Variants in MRPL13 observed in about 807,000 individuals in gnomAD.
MRPL13 encodes the protein large ribosomal subunit protein uL13m.
A neutral mutation model predicts 29.0 loss-of-function variants in MRPL13; 33 were observed. The observed-to-expected ratio is 1.14, with a 90% CI of 0.86 to 1.52. The LOEUF (loss-of-function observed/expected upper bound fraction) is 1.52, where lower values mean the gene tolerates loss of function less well. MRPL13 is among the 40% of genes most tolerant of loss of function. The pLI, the probability that MRPL13 is intolerant of heterozygous loss-of-function variation, is 0.00. For synonymous variants in MRPL13, 77 were observed against 68.4 expected (o/e 1.13, Z -0.62); for missense variants, 227 against 216.7 (o/e 1.05, Z -0.30).
At position 120,414,083 on chromosome 8, in the gene MRPL13, T is replaced by C; in HGVS notation, c.423A>G (p.Leu141=). The C allele has an allele frequency of 6.3e-7, 1 of 1,591,536 alleles. No homozygotes were observed. The highest frequency in any genetic ancestry group is 8.5e-7 in the Non-Finnish European group (1 of 1,171,796). ...EYIPEDILKN[L]VEELPQPRKI... ...TTCGTGGTTGAGGAAGCTCCTCTACTAAATTCTTAAGAATATCTTCTGGAA... is the reference window on the plus strand; with the variant it reads ...TTCGTGGTTGAGGAAGCTCCTCTACCAAATTCTTAAGAATATCTTCTGGAA... The change falls in exon 6 of 7, where the codon TTA becomes TTG. Residue 141 remains leucine, a synonymous_variant. Transcript: ENST00000306185.
chr8:120,419,800 C>A, intron 5 of MRPL13, 52 bp downstream of exon 5: 1 of 1,324,284 alleles, frequency 7.6e-7, no homozygotes, highest in Non-Finnish European at 1.0e-6. Flanking sequence ...GAAAATGAAA[C>A]ATTTAATTGA....
intron 5 of MRPL13, among the ~76,000 whole-genome samples, chr8:120,418,746 T>C (rs1325426619): frequency 6.6e-6 from 1 of 152,080 alleles, no homozygotes; most frequent in East Asian, 1.9e-4. Flanking sequence ...AAATAGGAGT[T>C]CTTAAATTCT....
intron 4 of MRPL13, among the ~76,000 whole-genome samples, chr8:120,422,852 C>T (rs1221519976): frequency 6.6e-6 from 1 of 151,538 alleles, no homozygotes; most frequent in African/African-American, 2.4e-5. Flanking sequence ...CTAAGTGAAT[C>T]TTTTTTGAGG....
intron 6 of MRPL13, among the ~76,000 whole-genome samples, chr8:120,407,312 A>G (rs1812681396): frequency 6.6e-6 from 1 of 152,212 alleles, no homozygotes. Flanking sequence ...CTTGGTTGTG[A>G]ATGAAACAAA....
At chr8:120,400,477 G>C (rs1812578227) in intron 6 of MRPL13, among the ~76,000 whole-genome samples, 1 of 152,098 alleles carries the variant, frequency 6.6e-6, no homozygotes, top group African/African-American at 2.4e-5. Context: ...AGCTAAAGCA[G>C]TGTTAAGAGG....
At position 120,419,899 on chromosome 8, in the gene MRPL13, G is replaced by A. The variant is rs1209384992; in HGVS notation, c.346C>T (p.Leu116Phe). 3 of 1,595,240 alleles carry A rather than the reference G, an allele frequency of 1.9e-6. No homozygotes were observed. Among genetic ancestry groups the A allele is most frequent in the Admixed American group, 3.4e-5 (2 of 58,182 alleles). The part of the protein sequence containing the change: ...LAIYGMLPKN[L>F]HRRTMMERLH... ...CTTTCCATCATTGTTCTTCTGTGAA[G>A]GTTTTTTGGCAGCATGCCATAAATA... Residue 116 changes from leucine to phenylalanine, a missense_variant, in exon 5 of 7, where the codon CTT (leucine) becomes TTT (phenylalanine). Coordinates refer to ENST00000306185, the MANE Select transcript of MRPL13 (RefSeq NM_014078.6).
At chr8:120,405,983 C>A (rs1035672260) in intron 6 of MRPL13, among the ~76,000 whole-genome samples, 18 of 152,100 alleles carry the variant, frequency 1.2e-4, no homozygotes, top group African/African-American at 4.1e-4. Flanking sequence ...TGTACATTAG[C>A]CCTACTTCTT....
Position 120,443,459 on chromosome 8 carries a change from G to T in MRPL13, c.28-151C>A, listed in dbSNP as rs991464662. 2.6e-5 allele frequency: 23 copies of T among 869,252 alleles called. No individual in the cohort carries two copies. In the African/African-American group the frequency reaches 3.2e-4, roughly 12 times the overall value. 53.8% of individuals were successfully genotyped at this position (869,252 alleles called of 1,614,324 possible). A position where few individuals can be genotyped will look rare whatever the true frequency, so the allele number is the denominator to read the frequency against. On this transcript the variant is annotated intron_variant, in intron 1 of 6. Transcript: ENST00000306185. ...TTTGAAAAATAACTCTATTGCTAAA[G>T]AATTTTTGTTTTCATTTCTATTTCT...
At chr8:120,412,930 A>C (rs762782392) in intron 6 of MRPL13, among the ~76,000 whole-genome samples, 27 of 152,162 alleles carry the variant, frequency 1.8e-4, no homozygotes, top group Non-Finnish European at 3.4e-4. Context: ...TCATTTAAAA[A>C]ATAAAAATAA....
chr8:120,403,981 G>A (rs911968587), intron 6 of MRPL13, among the ~76,000 whole-genome samples: 68 of 152,254 alleles, frequency 4.5e-4, no homozygotes, highest in African/African-American at 1.6e-3. Context: ...GCAGAGTTTT[G>A]TCACTTTGTT....
At chr8:120,396,280 A>T (rs1022866562) in intron 6 of MRPL13, among the ~76,000 whole-genome samples, 155 bp from the exon 7 acceptor site, 42 of 152,188 alleles carry the variant, frequency 2.8e-4, no homozygotes, top group Middle Eastern at 3.2e-3. Flanking sequence ...AAAAACATTA[A>T]CATCAAATCT....
At chr8:120,443,763 A>G (rs1813161993) in intron 1 of MRPL13, among the ~76,000 whole-genome samples, 1 of 152,166 alleles carries the variant, frequency 6.6e-6, no homozygotes, top group Non-Finnish European at 1.5e-5. Context: ...GGCCAACTGG[A>G]AACTGAAGAC....
At chr8:120,429,948 G>A (rs1812979661) in intron 3 of MRPL13, among the ~76,000 whole-genome samples, 1 of 152,120 alleles carries the variant, frequency 6.6e-6, no homozygotes, top group African/African-American at 2.4e-5. Context: ...TACATGTTCA[G>A]TATTGACACA....
chr8:120,400,345 T>C (rs1812576848), intron 6 of MRPL13, among the ~76,000 whole-genome samples: 1 of 152,140 alleles, frequency 6.6e-6, no homozygotes, highest in Non-Finnish European at 1.5e-5. Flanking sequence ...CACAACTATA[T>C]GGAAACCGAA....
chr8:120,431,055 T>C (rs1812990633), intron 3 of MRPL13, among the ~76,000 whole-genome samples: 1 of 152,096 alleles, frequency 6.6e-6, no homozygotes, highest in Non-Finnish European at 1.5e-5. Context: ...TTTTGTTAAA[T>C]TATATAAAGA....
chr8:120,399,423 T>A (rs1812561738), intron 6 of MRPL13, among the ~76,000 whole-genome samples: 1 of 152,072 alleles, frequency 6.6e-6, no homozygotes, highest in Admixed American at 6.6e-5. Context: ...AGAAATAAGA[T>A]CTTTTTCAGA....
At chr8:120,420,141 ATTGT>A (rs1314157741) in intron 4 of MRPL13, among the ~76,000 whole-genome samples, 1 of 151,922 alleles carries the variant, frequency 6.6e-6, no homozygotes, top group Non-Finnish European at 1.5e-5. Context: ...GGCTCCATTT[ATTGT>A]TTATTTAGAA....
intron 4 of MRPL13, among the ~76,000 whole-genome samples, chr8:120,421,522 C>T (rs1047157991): frequency 6.6e-6 from 1 of 151,796 alleles, no homozygotes. Context: ...TGTCTACTGG[C>T]AGAGGCCTAC....
intron 2 of MRPL13, among the ~76,000 whole-genome samples, chr8:120,441,265 A>T (rs574796054): frequency 6.6e-6 from 1 of 152,318 alleles, no homozygotes; most frequent in African/African-American, 2.4e-5. Flanking sequence ...AAATGTGTAT[A>T]TGTGAGTCTA....
Sources: gnomAD v4.1 joint callset for allele counts (sites outside exome capture counted in the v4.1 genomes callset) on GRCh38, gnomAD v4.1.1 for gene constraint, MANE v1.5 for transcripts, NCBI Gene and HGNC (gene_info 2026-07-23, HGNC 2026-07-21) for gene names.